Variants in TOX observed in about 807,000 individuals in gnomAD.
TOX encodes thymocyte selection-associated high mobility group box protein TOX.
Under a neutral mutation model 53.7 loss-of-function variants are expected in TOX, and 11 were observed. The observed-to-expected ratio is 0.20, with a 90% confidence interval of 0.13 to 0.34. The LOEUF (loss-of-function observed/expected upper bound fraction) is 0.34. Ranked by LOEUF, TOX falls within the 10% of genes least tolerant of loss-of-function variation. The pLI, the probability that TOX is intolerant of heterozygous loss-of-function variation, is 1.00. For missense variants in TOX, 570 were observed against 664.6 expected (o/e 0.86, Z 1.56); for synonymous variants, 225 against 245.3 (o/e 0.92, Z 0.77).
At chr8:59,106,078 A>G (rs1804894607) in intron 1 of TOX, among the ~76,000 whole-genome samples, 1 of 152,212 alleles carries the variant, frequency 6.6e-6, no homozygotes. Context: ...AGAAATGAAC[A>G]TTCATATGTT....
chr8:58,811,009 A>G (rs368288528), intron 7 of TOX, among the ~76,000 whole-genome samples: 10 of 152,352 alleles, frequency 6.6e-5, no homozygotes, highest in Admixed American at 6.5e-4. Context: ...GCTAACTTCA[A>G]TGTCTATTTT....
At chr8:58,912,848 T>C (rs1347224537) in intron 3 of TOX, among the ~76,000 whole-genome samples, 1 of 152,188 alleles carries the variant, frequency 6.6e-6, no homozygotes, top group Non-Finnish European at 1.5e-5. Context: ...CTTCTGGCCT[T>C]CCCAACATAC....
chr8:58,873,081 C>A (rs1029016704), intron 3 of TOX, among the ~76,000 whole-genome samples: 3 of 151,988 alleles, frequency 2.0e-5, no homozygotes, highest in African/African-American at 7.2e-5. Flanking sequence ...GTATGCTAAC[C>A]AAGAGTCAGG....
intron 3 of TOX, among the ~76,000 whole-genome samples, chr8:58,910,242 T>G: frequency 6.6e-6 from 1 of 152,246 alleles, no homozygotes; most frequent in East Asian, 1.9e-4. Flanking sequence ...CAAATATTAT[T>G]GAGATTCATA....
chr8:58,992,458 C>T (rs1563411504), intron 1 of TOX, among the ~76,000 whole-genome samples: 1 of 152,078 alleles, frequency 6.6e-6, no homozygotes, highest in Non-Finnish European at 1.5e-5. Context: ...CTTTTAAAAC[C>T]ACATGCACGT....
At chr8:58,928,173 T>C (rs1300999094) in intron 3 of TOX, among the ~76,000 whole-genome samples, 1 of 152,230 alleles carries the variant, frequency 6.6e-6, no homozygotes, top group Non-Finnish European at 1.5e-5. Flanking sequence ...GAAGTCACCC[T>C]AGAAATGTCT....
intron 1 of TOX, among the ~76,000 whole-genome samples, chr8:59,062,822 G>C (rs966244085): frequency 1.4e-4 from 22 of 152,180 alleles, no homozygotes; most frequent in African/African-American, 4.1e-4. Flanking sequence ...GAGAAAGAGA[G>C]AAAGAAAGTT....
At chr8:58,961,370 C>A (rs1414513269) in intron 1 of TOX, among the ~76,000 whole-genome samples, 2 of 152,160 alleles carry the variant, frequency 1.3e-5, no homozygotes, top group Non-Finnish European at 2.9e-5. Flanking sequence ...CTTATCTAAA[C>A]AGAATGAAAT....
At chr8:59,027,081 A>G (rs1368440883) in intron 1 of TOX, among the ~76,000 whole-genome samples, 2 of 152,160 alleles carry the variant, frequency 1.3e-5, no homozygotes, top group Non-Finnish European at 2.9e-5. Context: ...TCGTGGTCTC[A>G]CCATGAAAGC....
At chr8:58,883,160 C>A (rs939540406) in intron 3 of TOX, among the ~76,000 whole-genome samples, 1 of 152,152 alleles carries the variant, frequency 6.6e-6, no homozygotes, top group Non-Finnish European at 1.5e-5. Flanking sequence ...TCTGGGTTTA[C>A]AATGACAGAG....
At chr8:59,026,623 A>C (rs851800) in intron 1 of TOX, among the ~76,000 whole-genome samples, 128,352 of 152,090 alleles carry the variant, frequency 0.84, 54,586 homozygotes, top group East Asian at 1. Context: ...TAAGCCTGTA[A>C]CCCTTGGACA....
chr8:58,855,917 AAG>A (rs1810906525), intron 3 of TOX, among the ~76,000 whole-genome samples: 1 of 152,200 alleles, frequency 6.6e-6, no homozygotes, highest in African/African-American at 2.4e-5. Context: ...AGTTATTAAA[AAG>A]AGGGGAAAAA....
intron 1 of TOX, among the ~76,000 whole-genome samples, chr8:59,027,303 T>C (rs1814262528): frequency 6.6e-6 from 1 of 152,158 alleles, no homozygotes; most frequent in Non-Finnish European, 1.5e-5. Flanking sequence ...TAAGAGATGC[T>C]AGAATTACAG....
intron 3 of TOX, among the ~76,000 whole-genome samples, chr8:58,927,694 A>G (rs1334294181): frequency 2.6e-5 from 4 of 152,196 alleles, no homozygotes; most frequent in Non-Finnish European, 5.9e-5. Flanking sequence ...GACAGATAGT[A>G]TAAGAAAAAC....
intron 3 of TOX, among the ~76,000 whole-genome samples, chr8:58,925,757 C>T (rs1037228135): frequency 6.6e-6 from 1 of 152,152 alleles, no homozygotes; most frequent in African/African-American, 2.4e-5. Flanking sequence ...AAAAATACCC[C>T]TGGTTTTTAA....
intron 1 of TOX, among the ~76,000 whole-genome samples, chr8:59,106,824 C>G (rs189558573): frequency 2.5e-4 from 38 of 152,160 alleles, no homozygotes; most frequent in Admixed American, 3.3e-4. Flanking sequence ...AATTTTTCAC[C>G]AAGATTGGGT....
At chr8:59,030,364 C>A (rs540931325) in intron 1 of TOX, among the ~76,000 whole-genome samples, 9 of 152,170 alleles carry the variant, frequency 5.9e-5, no homozygotes, top group Non-Finnish European at 1.0e-4. Context: ...TTCTCTTAAG[C>A]GCACTGCACA....
At chr8:59,062,278 G>C (rs1433989714) in intron 1 of TOX, among the ~76,000 whole-genome samples, 1 of 152,146 alleles carries the variant, frequency 6.6e-6, no homozygotes, top group Non-Finnish European at 1.5e-5. Context: ...AGGCCTTCTG[G>C]GGAGGCAACT....
intron 1 of TOX, among the ~76,000 whole-genome samples, chr8:58,972,519 G>C (rs532480247): frequency 1.3e-5 from 2 of 152,148 alleles, no homozygotes; most frequent in East Asian, 3.8e-4. Flanking sequence ...TACGACATAG[G>C]ATGATATGTC....
Sources: allele counts gnomAD v4.1 joint callset (sites outside exome capture counted in the v4.1 genomes callset), GRCh38; gene constraint gnomAD v4.1.1; transcripts MANE v1.5; gene names NCBI Gene and HGNC (gene_info 2026-07-23, HGNC 2026-07-21).